The following SAMSN1 variants were observed in gnomAD, a reference collection of about 807,000 sequenced individuals.
The protein encoded by SAMSN1 is SAM domain-containing protein SAMSN-1.
Under a neutral mutation model 42.0 loss-of-function variants are expected in SAMSN1, and 31 were observed. The ratio of observed to expected loss-of-function variants is 0.74; its 90% CI spans 0.55 to 1.00. SAMSN1 has a LOEUF of 1.00. Ranked by LOEUF, SAMSN1 falls within the 50% of genes least tolerant of loss-of-function variation. The pLI is 0.00. For synonymous variants in SAMSN1, 178 were observed against 151.9 expected (o/e 1.17, Z -1.26); for missense variants, 464 against 439.4 (o/e 1.06, Z -0.50).
chr21:14,510,281 T>G (rs773446139), intron 5 of SAMSN1, 29 bp downstream of exon 5: 4 of 1,608,978 alleles, frequency 2.5e-6, no homozygotes, highest in Non-Finnish European at 3.4e-6. Context: ...GACAGACCAT[T>G]CAGAAGGTGG....
At chr21:14,646,569 C>T (rs965187113) in intron 1 of SAMSN1, among the ~76,000 whole-genome samples, 1 of 152,056 alleles carries the variant, frequency 6.6e-6, no homozygotes, top group Non-Finnish European at 1.5e-5. Flanking sequence ...AAATAATCAC[C>T]TGAAGGTACA....
chr21:14,595,858 G>A (rs1038048697), intron 6 of SAMSN1, among the ~76,000 whole-genome samples: 8 of 152,094 alleles, frequency 5.3e-5, no homozygotes, highest in African/African-American at 1.9e-4. Flanking sequence ...TAAGTGGTTG[G>A]ATTTTATTTT....
chr21:14,582,602 C>A, intron 1 of SAMSN1: 1 of 427,514 alleles, frequency 2.3e-6, no homozygotes. Flanking sequence ...ACCAAGAAGT[C>A]ATTCAATTTT....
At chr21:14,523,918 ATTAC>A (rs1037964488) in intron 1 of SAMSN1, among the ~76,000 whole-genome samples, 1 of 152,202 alleles carries the variant, frequency 6.6e-6, no homozygotes, top group East Asian at 1.9e-4. Flanking sequence ...ACACTGGACT[ATTAC>A]TTTGGGTTTT....
chr21:14,558,996 A>G (rs1980854040), intron 2 of SAMSN1, among the ~76,000 whole-genome samples: 1 of 152,166 alleles, frequency 6.6e-6, no homozygotes, highest in South Asian at 2.1e-4. Flanking sequence ...ATTCATTGAA[A>G]TGAAATATCT....
At chr21:14,503,094 T>G (rs1207758462) in intron 5 of SAMSN1, among the ~76,000 whole-genome samples, 1 of 152,190 alleles carries the variant, frequency 6.6e-6, no homozygotes, top group Non-Finnish European at 1.5e-5. Context: ...ATGAAAATGA[T>G]GGATATCACA....
intron 2 of SAMSN1, among the ~76,000 whole-genome samples, chr21:14,561,812 A>G (rs1277623482): frequency 6.6e-6 from 1 of 152,230 alleles, no homozygotes; most frequent in Non-Finnish European, 1.5e-5. Context: ...ATGACCATAT[A>G]AGAACAAACA....
chr21:14,515,303 A>C (rs1987863310), intron 3 of SAMSN1, among the ~76,000 whole-genome samples: 1 of 152,234 alleles, frequency 6.6e-6, no homozygotes, highest in Non-Finnish European at 1.5e-5. Flanking sequence ...TTGGGAGTCC[A>C]TAAGTAAACT....
chr21:14,518,277 A>G (rs1209071752), intron 2 of SAMSN1, among the ~76,000 whole-genome samples: 1 of 152,204 alleles, frequency 6.6e-6, no homozygotes, highest in African/African-American at 2.4e-5. Flanking sequence ...ACATTACCCG[A>G]TAATATGTTT....
intron 2 of SAMSN1, among the ~76,000 whole-genome samples, chr21:14,627,123 G>C (rs942005630): frequency 7.9e-5 from 12 of 152,072 alleles, no homozygotes; most frequent in African/African-American, 2.9e-4. Flanking sequence ...ACTGGGGCCT[G>C]TCATGGGGTG....
At chr21:14,589,974 A>T (rs113557486) in intron 7 of SAMSN1, among the ~76,000 whole-genome samples, 32 of 152,254 alleles carry the variant, frequency 2.1e-4, no homozygotes, top group Admixed American at 5.2e-4. Context: ...TTTAAAGAAA[A>T]CTGTAATGGA....
At chr21:14,607,458 T>G (rs925485853) in intron 5 of SAMSN1, among the ~76,000 whole-genome samples, 4 of 152,180 alleles carry the variant, frequency 2.6e-5, no homozygotes, top group Admixed American at 2.0e-4. Context: ...CATCAACTCT[T>G]CCTAGCATGG....
At position 14,500,525 on chromosome 21, in the gene SAMSN1, T is replaced by C; in HGVS notation, c.768+4A>G. 6.2e-7 allele frequency: 1 copy of C among 1,613,016 alleles called. No homozygotes were observed. The highest frequency in any genetic ancestry group is 8.5e-7 in the Non-Finnish European group (1 of 1,179,024). On this transcript the variant is annotated splice_donor_region_variant and intron_variant, in intron 6 of 7. Transcript: ENST00000400566. The stretch of plus-strand genomic sequence containing the variant: ...AAAAGCAAACAGAACACAGATTTGC[T>C]CACCTGCAGATGAATCCTCTCTAGG...
intron 2 of SAMSN1, among the ~76,000 whole-genome samples, chr21:14,574,168 C>G (rs1981389615): frequency 6.6e-6 from 1 of 152,158 alleles, no homozygotes; most frequent in Admixed American, 6.6e-5. Context: ...TTAGGTCTTT[C>G]ATGGCTAATA....
chr21:14,553,426 G>C (rs1286039022), intron 2 of SAMSN1, among the ~76,000 whole-genome samples: 2 of 152,026 alleles, frequency 1.3e-5, no homozygotes, highest in African/African-American at 4.8e-5. Flanking sequence ...CATCATACTT[G>C]TCATTGCAAA....
At chr21:14,615,953 T>C (rs1166982249) in intron 3 of SAMSN1, 4 of 573,350 alleles carry the variant, frequency 7.0e-6, no homozygotes, top group Admixed American at 2.8e-5. Context: ...GAACATGAAG[T>C]TTACCAAGTA....
intron 1 of SAMSN1, among the ~76,000 whole-genome samples, chr21:14,522,364 G>A (rs1978550701): frequency 6.6e-6 from 1 of 152,038 alleles, no homozygotes; most frequent in Non-Finnish European, 1.5e-5. Flanking sequence ...CTGATGTTGG[G>A]TTCTTTGTGT....
intron 1 of SAMSN1, among the ~76,000 whole-genome samples, chr21:14,658,519 A>T (rs935371495): frequency 2.0e-5 from 3 of 151,986 alleles, no homozygotes; most frequent in African/African-American, 7.2e-5. Flanking sequence ...AAAATGATAA[A>T]TAATAGTAAT....
chr21:14,618,850 C>T (rs117649131), intron 2 of SAMSN1, among the ~76,000 whole-genome samples: 1 of 152,306 alleles, frequency 6.6e-6, no homozygotes, highest in Non-Finnish European at 1.5e-5. Context: ...TTAGCCTTCA[C>T]TTCAGTATCC....
Sources: gnomAD v4.1 joint callset for allele counts (sites outside exome capture counted in the v4.1 genomes callset) on GRCh38, gnomAD v4.1.1 for gene constraint, MANE v1.5 for transcripts, NCBI Gene and HGNC (gene_info 2026-07-23, HGNC 2026-07-21) for gene names.